Variants in IMPG2 observed in about 807,000 individuals in gnomAD.
IMPG2 encodes IPM 200.
Under a neutral mutation model 129.2 loss-of-function variants are expected in IMPG2, and 91 were observed. The observed-to-expected ratio is 0.70, with a 90% CI of 0.59 to 0.84. IMPG2 has a LOEUF of 0.84. Ranked by LOEUF, IMPG2 falls within the 40% of genes least tolerant of loss-of-function variation. IMPG2 has a pLI of 0.00. For missense variants in IMPG2, 1,430 were observed against 1,461.7 expected, an observed-to-expected ratio of 0.98 and a Z score of 0.35; for synonymous variants, 510 against 517.7, an observed-to-expected ratio of 0.99 and a Z score of 0.20.
chr3:101,248,961 G>A (rs1017346602), intron 11 of IMPG2, among the ~76,000 whole-genome samples: 2 of 152,240 alleles, frequency 1.3e-5, no homozygotes, highest in East Asian at 1.9e-4. Flanking sequence ...TGGCCAATGG[G>A]AAACATAAGC....
chr3:101,290,681 A>C (rs1419401014), intron 4 of IMPG2, among the ~76,000 whole-genome samples: 2 of 152,094 alleles, frequency 1.3e-5, no homozygotes, highest in African/African-American at 4.8e-5. Context: ...GTTTGATTTG[A>C]AACCTGGATA....
At chr3:101,232,049 A>C (rs1239662486) in intron 15 of IMPG2, among the ~76,000 whole-genome samples, 1 of 152,136 alleles carries the variant, frequency 6.6e-6, no homozygotes, top group East Asian at 1.9e-4. Flanking sequence ...GAGGGGCCCA[A>C]AACCTTTAAA....
At chr3:101,316,075 A>G (rs562285902) in intron 2 of IMPG2, among the ~76,000 whole-genome samples, 16 of 152,238 alleles carry the variant, frequency 1.1e-4, no homozygotes, top group African/African-American at 3.8e-4. Context: ...GCATATAAAA[A>G]TATTAACTTT....
chr3:101,252,912 G>A (rs1241194597), intron 11 of IMPG2, among the ~76,000 whole-genome samples: 1 of 152,184 alleles, frequency 6.6e-6, no homozygotes, highest in African/African-American at 2.4e-5. Flanking sequence ...GAATGTAGAT[G>A]ACAAGGGAGT....
In IMPG2 at chr3:101,317,599, A is replaced by G. The variant is rs1269969465; in HGVS notation, c.334+1985T>C. 2.0e-5 allele frequency among the ~76,000 whole-genome samples: 3 copies of G among 152,174 alleles called. No individual in the cohort carries two copies. In the South Asian group the frequency reaches 6.2e-4, roughly 32 times the overall value. On this transcript the variant is annotated intron_variant, in intron 2 of 18. Coordinates refer to ENST00000193391, the MANE Select transcript of IMPG2 (RefSeq NM_016247.4). Reference sequence around the variant, plus strand: ...CTATGTTAAAATACTCATTTCTGTCAATTTTTAAAAACAAATGAAATATTT... The same window carrying G: ...CTATGTTAAAATACTCATTTCTGTCGATTTTTAAAAACAAATGAAATATTT...
At position 101,244,423 on chromosome 3, in the gene IMPG2, A is replaced by C. The variant is rs35648234; in HGVS notation, c.1908T>G (p.Asp636Glu). ...EPLSKPWLED[D>E]DSLLPAEIED... is the part of the protein sequence containing the mutation. ...CAATCTCAGCTGGCAAAAGTGAATC[A>C]TCATCTTCAAGCCACGGCTTGGACA... The change falls in exon 13 of 19, where the codon GAT (aspartate) becomes GAG (glutamate). Residue 636 changes from aspartate (D) to glutamate (E), a missense_variant. Asp to Glu is a conservative substitution (Grantham distance 45). Transcript: ENST00000193391. The C allele has an allele frequency of 6.2e-7, 1 of 1,614,172 alleles. No homozygotes were observed. The highest frequency in any genetic ancestry group is 8.5e-7 in the Non-Finnish European group (1 of 1,180,024).
chr3:101,223,674 A>C lies in IMPG2; in HGVS notation c.*3295T>G, dbSNP rs1706189028. 3 of 152,240 alleles carry C rather than the reference A, an allele frequency of 2.0e-5. No individual in the cohort carries two copies. The highest frequency in any genetic ancestry group is 7.2e-5 in the African/African-American group (3 of 41,470). The allele number at this position is 152,240 out of a possible 1,614,324, so 9.4% of individuals were successfully genotyped here. A position where few individuals can be genotyped will look rare whatever the true frequency, so the allele number is the denominator to read the frequency against. On this transcript the variant is annotated 3_prime_UTR_variant, in exon 19 of 19. Coordinates refer to ENST00000193391, the MANE Select transcript of IMPG2 (RefSeq NM_016247.4). ...CAGTTTCCAGCTTTTTGTTAGAGGT[A>C]ATATTAAGTCAGAGTTGTTCAAACA...
intron 14 of IMPG2, among the ~76,000 whole-genome samples, chr3:101,240,227 C>T (rs72930571): frequency 0.011 from 1,667 of 152,014 alleles, 34 homozygotes; most frequent in African/African-American, 0.038. Flanking sequence ...CAGCAATCTT[C>T]CCACCTCAGC....
rs529401040 is a variant in IMPG2, at chr3:101,241,300, G to A, written c.3022+1388C>T. ...AGTCAATGAAAAGTCCTGAGGAAGC[G>A]ACATTTGAACTGAGGCACATGGGTG... On this transcript the variant is annotated intron_variant, in intron 14 of 18. Transcript: ENST00000193391. 1.1e-4 allele frequency among the ~76,000 whole-genome samples: 17 copies of A among 152,330 alleles called. No homozygotes were observed. The South Asian group carries it at 3.3e-3, about 30-fold the overall frequency.
Position 101,224,295 on chromosome 3 carries a change from A to G in IMPG2, c.*2674T>C, listed in dbSNP as rs1267949448. The G allele has an allele frequency of 6.6e-6, 1 of 152,232 alleles. No homozygotes were observed. The highest frequency in any genetic ancestry group is 1.5e-5 in the Non-Finnish European group (1 of 68,038). 9.4% of individuals were successfully genotyped at this position (152,232 alleles called of 1,614,324 possible). On this transcript the variant is annotated 3_prime_UTR_variant, in exon 19 of 19. Coordinates refer to ENST00000193391, the MANE Select transcript of IMPG2 (RefSeq NM_016247.4). ...AAAAAAGGATAGTGTATATAATTCAATTATAAAGGCTACATCTGTAAAACA... is the reference window on the plus strand; with the variant it reads ...AAAAAAGGATAGTGTATATAATTCAGTTATAAAGGCTACATCTGTAAAACA...
chr3:101,256,193 G>GA (rs1315759491), intron 10 of IMPG2, among the ~76,000 whole-genome samples: 2 of 148,188 alleles, frequency 1.3e-5, no homozygotes, highest in Non-Finnish European at 3.0e-5. Context: ...AAGAAAGAAA[G>GA]AAAGAAAGAA....
chr3:101,252,954 T>C (rs1395337078), intron 11 of IMPG2, among the ~76,000 whole-genome samples: 1 of 152,166 alleles, frequency 6.6e-6, no homozygotes, highest in Admixed American at 6.6e-5. Flanking sequence ...TAACAAAAGA[T>C]TCCTGTATTC....
intron 9 of IMPG2, among the ~76,000 whole-genome samples, chr3:101,266,481 C>G (rs1402016230): frequency 6.6e-6 from 1 of 152,140 alleles, no homozygotes; most frequent in Non-Finnish European, 1.5e-5. Flanking sequence ...AAATATAGCC[C>G]TGAAACATAC....
At chr3:101,265,272 T>C (rs1004355734) in intron 9 of IMPG2, among the ~76,000 whole-genome samples, 110 of 152,032 alleles carry the variant, frequency 7.2e-4, no homozygotes, top group African/African-American at 2.6e-3. Context: ...GCTGATGATA[T>C]ATATCATACT....
intron 4 of IMPG2, among the ~76,000 whole-genome samples, chr3:101,283,569 C>T (rs1291028334): frequency 6.6e-6 from 1 of 152,108 alleles, no homozygotes; most frequent in Admixed American, 6.6e-5. Flanking sequence ...TACATATATA[C>T]AGAGTATACA....
intron 2 of IMPG2, among the ~76,000 whole-genome samples, chr3:101,308,746 T>A (rs1234663199): frequency 1.3e-5 from 2 of 152,280 alleles, no homozygotes; most frequent in East Asian, 3.8e-4. Context: ...CAGCTTGAAT[T>A]TCTTCTCAGA....
At position 101,243,976 on chromosome 3, in the gene IMPG2, T is replaced by C. The variant is rs1287356662; in HGVS notation, c.2355A>G (p.Thr785=). 3.7e-6 allele frequency: 6 copies of C among 1,614,088 alleles called. No homozygotes were observed. The highest frequency in any genetic ancestry group is 5.1e-6 in the Non-Finnish European group (6 of 1,180,032). Residue 785 remains threonine (T), a synonymous_variant, in exon 13 of 19, where the codon ACA becomes ACG. Coordinates refer to ENST00000193391, the MANE Select transcript of IMPG2 (RefSeq NM_016247.4). The part of the protein sequence containing the change: ...TILPESERVW[T]RTSSLEKLSR... ...ACAATTTCTCTAGGGAAGAAGTTCTTGTCCAAACTCTCTCTGATTCTGGCA... is the reference window on the plus strand; with the variant it reads ...ACAATTTCTCTAGGGAAGAAGTTCTCGTCCAAACTCTCTCTGATTCTGGCA...
Position 101,269,542 on chromosome 3 carries a change from T to C in IMPG2, c.860A>G (p.Tyr287Cys), listed in dbSNP as rs1434734155. The change falls in exon 8 of 19, where the codon TAC becomes TGC. Residue 287 changes from tyrosine to cysteine, a missense_variant. Physicochemically the swap from Tyr to Cys is radical, Grantham distance 194. Coordinates refer to ENST00000193391, the MANE Select transcript of IMPG2 (RefSeq NM_016247.4). ...AAATTCAAGTACACGAATTTCCTTG[T>C]AGCCTGGTAACCCAGTAAATGCATT... ...VENAFTGLPG[Y>C]KEIRVLEFRS... is the part of the protein sequence containing the mutation. 1.8e-5 allele frequency: 28 copies of C among 1,597,318 alleles called. No homozygotes were observed. The highest frequency in any genetic ancestry group is 2.2e-5 in the Non-Finnish European group (26 of 1,165,026).
At chr3:101,257,208 A>T (rs913434378) in intron 10 of IMPG2, among the ~76,000 whole-genome samples, 1 of 152,062 alleles carries the variant, frequency 6.6e-6, no homozygotes, top group African/African-American at 2.4e-5. Flanking sequence ...CTCGGTTGTC[A>T]GGGAAGTATT....
Sources: allele counts gnomAD v4.1 joint callset (sites outside exome capture counted in the v4.1 genomes callset), GRCh38; gene constraint gnomAD v4.1.1; transcripts MANE v1.5; gene names NCBI Gene and HGNC (gene_info 2026-07-23, HGNC 2026-07-21).